LIPI: variants seen among roughly 807,000 people sequenced by gnomAD.
The protein encoded by LIPI is lipase I.
Under a neutral mutation model 50.6 loss-of-function variants are expected in LIPI, and 59 were observed. The ratio of observed to expected loss-of-function variants is 1.16; its 90% CI spans 0.94 to 1.45. LIPI has a LOEUF of 1.45. Among genes scored for constraint, LIPI ranks in the 40% most tolerant of loss-of-function variants. The pLI is 0.00. For missense variants in LIPI, 586 were observed against 536.3 expected (o/e 1.09, Z -0.92); for synonymous variants, 203 against 178.2 (o/e 1.14, Z -1.11).
At chr21:14,161,834 A>T (rs9978372) in intron 7 of LIPI, among the ~76,000 whole-genome samples, 1 of 23,902 alleles carries the variant, frequency 4.2e-5, no homozygotes, top group Non-Finnish European at 6.9e-5. Context: ...ATATATTAAT[A>T]TATAATATAT....
chr21:14,152,674 A>G lies in LIPI; in HGVS notation c.1017T>C (p.Phe339=), dbSNP rs772675762. The G allele has an allele frequency of 2.1e-6, 3 of 1,455,510 alleles. No homozygotes were observed. 90.2% of individuals were successfully genotyped at this position (1,455,510 alleles called of 1,614,324 possible). Residue 339 remains phenylalanine (F), a synonymous_variant, in exon 8 of 10, where the codon TTT becomes TTC. Transcript: ENST00000681601. The stretch of plus-strand genomic sequence containing the variant: ...TATCTGGAACAATTATACTGAGAAC[A>G]AAATAATAGGCTACAAAATAAAAAT... ...SGTYPFCTYY[F]VLSIIVPDKT...
chr21:14,183,698 C>T (rs546367658), intron 3 of LIPI, among the ~76,000 whole-genome samples: 13 of 152,048 alleles, frequency 8.5e-5, no homozygotes, highest in Middle Eastern at 3.2e-3. Context: ...AAGAAGACAC[C>T]TATGCAGCCA....
chr21:14,156,470 T>C (rs2018274544), intron 7 of LIPI, among the ~76,000 whole-genome samples: 2 of 151,880 alleles, frequency 1.3e-5, no homozygotes, highest in African/African-American at 4.8e-5. Flanking sequence ...GTTAAGAAAG[T>C]ATATTCTCCC....
chr21:14,186,653 A>G (rs1243964926), intron 2 of LIPI, among the ~76,000 whole-genome samples: 1 of 152,188 alleles, frequency 6.6e-6, no homozygotes, highest in African/African-American at 2.4e-5. Context: ...CATATGTTGG[A>G]ATTCTAATCC....
At chr21:14,160,077 G>A (rs1277547022) in intron 7 of LIPI, among the ~76,000 whole-genome samples, 1 of 151,300 alleles carries the variant, frequency 6.6e-6, no homozygotes, top group Non-Finnish European at 1.5e-5. Context: ...TGTGGTTAAT[G>A]TAATTTCTGT....
chr21:14,179,867 G>A (rs576659958), intron 4 of LIPI, among the ~76,000 whole-genome samples: 8 of 152,254 alleles, frequency 5.3e-5, no homozygotes, highest in South Asian at 4.2e-4. Flanking sequence ...GAATAACAGC[G>A]GCTTTTAGGG....
intron 7 of LIPI, among the ~76,000 whole-genome samples, chr21:14,162,580 C>G (rs2018534968): frequency 6.6e-6 from 1 of 151,832 alleles, no homozygotes; most frequent in Admixed American, 6.6e-5. Context: ...TACAGTATCT[C>G]TGTGTATGAT....
chr21:14,179,392 G>C (rs1467101527), intron 4 of LIPI, among the ~76,000 whole-genome samples: 1 of 152,128 alleles, frequency 6.6e-6, no homozygotes, highest in Non-Finnish European at 1.5e-5. Context: ...GTCATGAAAA[G>C]ATCAATCCAA....
At chr21:14,112,985 G>T (rs1440593018) in intron 9 of LIPI, among the ~76,000 whole-genome samples, 1 of 152,110 alleles carries the variant, frequency 6.6e-6, no homozygotes, top group Non-Finnish European at 1.5e-5. Context: ...ACTCGATAAG[G>T]CACATAGAAG....
At chr21:14,180,029 C>G (rs2019219390) in intron 4 of LIPI, among the ~76,000 whole-genome samples, 1 of 151,894 alleles carries the variant, frequency 6.6e-6, no homozygotes, top group South Asian at 2.1e-4. Flanking sequence ...ATATTAATAC[C>G]CTGGGAAATG....
chr21:14,140,273 G>T (rs1423542447), intron 9 of LIPI, among the ~76,000 whole-genome samples: 1 of 152,084 alleles, frequency 6.6e-6, no homozygotes, highest in Admixed American at 6.6e-5. Context: ...TTCATGATTG[G>T]ATGATGAGTG....
rs779266298 is a variant in LIPI, at chr21:14,165,382, A to G, written c.742T>C (p.Phe248Leu). 7 of 1,609,646 alleles carry G rather than the reference A, an allele frequency of 4.3e-6. No individual in the cohort carries two copies. In the African/African-American group the frequency reaches 8.0e-5, roughly 18 times the overall value. Residue 248 changes from phenylalanine to leucine, a missense_variant, in exon 6 of 10, where the codon TTC becomes CTC. Coordinates refer to ENST00000681601, the MANE Select transcript of LIPI (RefSeq NM_001302998.2). ...GCTCTCTGGTGGTTGCATTTAATGA[A>G]TTGAATTCCTTAAGGGTTAAAAAAA... is the stretch of plus-strand genomic sequence containing the variant. ...CPKSIFSGIQFIKCNHQRAVH... is the reference protein window; with the variant it reads ...CPKSIFSGIQLIKCNHQRAVH...
intron 1 of LIPI, among the ~76,000 whole-genome samples, chr21:14,192,995 T>C (rs2019727866): frequency 6.6e-6 from 1 of 152,244 alleles, no homozygotes; most frequent in Non-Finnish European, 1.5e-5. Flanking sequence ...CTTTACTTTT[T>C]ATTTTCTACA....
At chr21:14,161,998 A>G (rs12482531) in intron 7 of LIPI, among the ~76,000 whole-genome samples, 104,133 of 142,790 alleles carry the variant, frequency 0.73, 38,212 homozygotes, top group Middle Eastern at 0.88. Flanking sequence ...CCTGTAGCAT[A>G]TATCAATGAT....
At chr21:14,124,085 G>A (rs932135685) in intron 9 of LIPI, among the ~76,000 whole-genome samples, 11 of 152,126 alleles carry the variant, frequency 7.2e-5, no homozygotes, top group Non-Finnish European at 1.6e-4. Flanking sequence ...TGGTTTTGTA[G>A]CTATAATTGG....
At chr21:14,188,498 G>A (rs2019531968) in intron 2 of LIPI, among the ~76,000 whole-genome samples, 1 of 146,964 alleles carries the variant, frequency 6.8e-6, no homozygotes, top group African/African-American at 2.5e-5. Flanking sequence ...ACCCTGGGAG[G>A]TGCAGGCTGC....
At chr21:14,164,043 G>C (rs954670233) in intron 6 of LIPI, among the ~76,000 whole-genome samples, 2 of 149,926 alleles carry the variant, frequency 1.3e-5, no homozygotes, top group African/African-American at 4.9e-5. Context: ...ACATATTTCA[G>C]ATACATATGT....
chr21:14,183,396 A>G (rs1358681325), intron 3 of LIPI, among the ~76,000 whole-genome samples: 1 of 152,234 alleles, frequency 6.6e-6, no homozygotes. Context: ...AGGCAATACC[A>G]TTCAGGACAT....
chr21:14,184,160 G>A (rs182223349), intron 3 of LIPI, among the ~76,000 whole-genome samples: 118 of 152,288 alleles, frequency 7.7e-4, no homozygotes, highest in African/African-American at 2.7e-3. Context: ...AAAAGGATGA[G>A]TTCATGTCCT....
Sources: gnomAD v4.1 joint callset for allele counts (sites outside exome capture counted in the v4.1 genomes callset) on GRCh38, gnomAD v4.1.1 for gene constraint, MANE v1.5 for transcripts, NCBI Gene and HGNC (gene_info 2026-07-23, HGNC 2026-07-21) for gene names.